The following CDK15 variants were observed in gnomAD, a reference collection of about 807,000 sequenced individuals.
CDK15 encodes the protein cyclin dependent kinase 15.
A neutral mutation model predicts 60.3 loss-of-function variants in CDK15; 62 were observed. The observed-to-expected ratio is 1.03, with a 90% confidence interval of 0.84 to 1.27. The LOEUF is 1.27. CDK15 is among the 50% of genes most tolerant of loss of function. The probability of loss-of-function intolerance (pLI) is 0.00; values close to 1 mark genes in which losing one functional copy is unlikely to be tolerated. For synonymous variants in CDK15, 194 were observed against 195.7 expected, an observed-to-expected ratio of 0.99 and a Z score of 0.07; for missense variants, 541 against 527.8, an observed-to-expected ratio of 1.03 and a Z score of -0.25.
At chr2:201,888,365 T>A in intron 12 of CDK15, 5 of 1,485,896 alleles carry the variant, frequency 3.4e-6, no homozygotes, top group Non-Finnish European at 3.5e-6. Context: ...AATCTAAAAG[T>A]TTTAAATAAA....
At chr2:201,874,123 G>A (rs1252109168) in intron 11 of CDK15, among the ~76,000 whole-genome samples, 1 of 149,998 alleles carries the variant, frequency 6.7e-6, no homozygotes, top group Non-Finnish European at 1.5e-5. Flanking sequence ...GAGGTATGTT[G>A]TCTAATACAG....
intron 13 of CDK15, 61 bp from the exon 14 acceptor site, chr2:201,893,240 T>G (rs902978858): frequency 1.3e-5 from 2 of 152,222 alleles, no homozygotes; most frequent in East Asian, 3.8e-4. Flanking sequence ...TAACTGATTT[T>G]CCTTCATCAA....
intron 12 of CDK15, among the ~76,000 whole-genome samples, 176 bp downstream of exon 12, chr2:201,880,343 G>A (rs1366383933): frequency 1.3e-5 from 2 of 152,240 alleles, no homozygotes; most frequent in Non-Finnish European, 2.9e-5. Flanking sequence ...AATCTTGTCT[G>A]AGTTTTGCAT....
At chr2:201,821,646 A>G (rs1696222929) in intron 4 of CDK15, among the ~76,000 whole-genome samples, 2 of 152,084 alleles carry the variant, frequency 1.3e-5, no homozygotes, top group African/African-American at 4.8e-5. Context: ...CGATTTCTTC[A>G]TGCAGGGTTG....
intron 3 of CDK15, among the ~76,000 whole-genome samples, chr2:201,811,300 A>G (rs914365854): frequency 5.3e-5 from 8 of 149,768 alleles, no homozygotes; most frequent in East Asian, 2.0e-4. Flanking sequence ...ACAGGTGCCC[A>G]CCACCACACC....
At chr2:201,813,203 T>A (rs1004033057) in intron 4 of CDK15, among the ~76,000 whole-genome samples, 2 of 152,198 alleles carry the variant, frequency 1.3e-5, no homozygotes, top group Non-Finnish European at 2.9e-5. Flanking sequence ...AGAATATGTA[T>A]ATAAAGCACT....
chr2:201,832,910 G>A (rs1242021201), intron 6 of CDK15, among the ~76,000 whole-genome samples: 2 of 152,212 alleles, frequency 1.3e-5, no homozygotes, highest in Non-Finnish European at 2.9e-5. Flanking sequence ...GCCAGAACAC[G>A]TTCTCAGTTG....
chr2:201,858,878 G>A (rs896008172), intron 10 of CDK15, among the ~76,000 whole-genome samples: 1 of 152,126 alleles, frequency 6.6e-6, no homozygotes, highest in Non-Finnish European at 1.5e-5. Flanking sequence ...AAAGAAGTGG[G>A]TGTTGCTCTG....
At chr2:201,874,049 G>A (rs539124302) in intron 11 of CDK15, among the ~76,000 whole-genome samples, 15 of 85,714 alleles carry the variant, frequency 1.8e-4, no homozygotes, top group East Asian at 6.1e-4. Context: ...GTGAGACTCC[G>A]TCTCAAAAAA....
Position 201,882,446 on chromosome 2 carries a change from C to T in CDK15, c.1198+2279C>T, listed in dbSNP as rs1056582223. Reference sequence around the variant, plus strand: ...AAATTATGCCTGATAAAAGGAGTTTCGTGGATGTTTCAGTTCTTTCAAATT... The same window carrying T: ...AAATTATGCCTGATAAAAGGAGTTTTGTGGATGTTTCAGTTCTTTCAAATT... On this transcript the variant is annotated intron_variant, in intron 12 of 13. Coordinates refer to ENST00000652192, the MANE Select transcript of CDK15 (RefSeq NM_001366386.2). This position sits in a 1 kb window ranked among gnomAD's most constrained non-coding sequence, Gnocchi z 4.0. Among the ~76,000 whole-genome samples, 2 of 152,100 alleles carry T rather than the reference C, an allele frequency of 1.3e-5. No homozygotes were observed. The highest frequency in any genetic ancestry group is 1.9e-4 in the East Asian group (1 of 5,188).
chr2:201,861,148 A>G, intron 10 of CDK15: 1 of 1,026,708 alleles, frequency 9.7e-7, no homozygotes, highest in Non-Finnish European at 1.2e-6. Flanking sequence ...CCCTTTTACT[A>G]TCTGGGGTAA....
chr2:201,856,329 A>T (rs920370939), intron 10 of CDK15, among the ~76,000 whole-genome samples: 1 of 152,196 alleles, frequency 6.6e-6, no homozygotes. Context: ...CACCAGGATT[A>T]TGGAAGCCCT....
At chr2:201,823,794 G>A (rs1404732589) in intron 6 of CDK15, 67 bp downstream of exon 6, 6 of 1,345,452 alleles carry the variant, frequency 4.5e-6, no homozygotes, top group African/African-American at 1.4e-5. Context: ...GAAACAGACT[G>A]TCTCACAAAG....
intron 9 of CDK15, among the ~76,000 whole-genome samples, chr2:201,850,102 C>T (rs1050963101): frequency 3.9e-5 from 6 of 152,154 alleles, no homozygotes; most frequent in Admixed American, 2.0e-4. Context: ...GGATTACAGG[C>T]GTGAGCCACC....
chr2:201,860,632 C>T (rs949467702), intron 10 of CDK15: 42 of 1,120,930 alleles, frequency 3.7e-5, no homozygotes, highest in Non-Finnish European at 5.9e-6. Context: ...GGCAGGAAAG[C>T]GGTACTAAAA....
chr2:201,822,168 T>G (rs988501072), intron 4 of CDK15, among the ~76,000 whole-genome samples: 4 of 152,230 alleles, frequency 2.6e-5, no homozygotes, highest in Non-Finnish European at 5.9e-5. Context: ...GCCCTCAGCC[T>G]TCTCCACTTT....
intron 4 of CDK15, among the ~76,000 whole-genome samples, chr2:201,818,800 C>T (rs1488037765): frequency 6.6e-6 from 1 of 152,008 alleles, no homozygotes; most frequent in Non-Finnish European, 1.5e-5. Context: ...AGGGAGACAA[C>T]TAAAAGAAAG....
chr2:201,841,526 A>C (rs1697380206), intron 8 of CDK15, among the ~76,000 whole-genome samples: 1 of 152,094 alleles, frequency 6.6e-6, no homozygotes, highest in Non-Finnish European at 1.5e-5. Context: ...GAGTGATAAG[A>C]GGGGAAGTGA....
intron 9 of CDK15, among the ~76,000 whole-genome samples, chr2:201,851,749 T>G (rs1298277450): frequency 6.6e-6 from 1 of 152,100 alleles, no homozygotes; most frequent in Non-Finnish European, 1.5e-5. Context: ...AACCTCCACC[T>G]CCTGGGTTCA....
Sources: allele counts gnomAD v4.1 joint callset (sites outside exome capture counted in the v4.1 genomes callset), GRCh38; gene constraint gnomAD v4.1.1; non-coding constraint Gnocchi (gnomAD v3.1); transcripts MANE v1.5; gene names NCBI Gene and HGNC (gene_info 2026-07-23, HGNC 2026-07-21).